The following SLC31A1 variants were observed in gnomAD, a reference collection of about 807,000 sequenced individuals.
SLC31A1 encodes the protein high affinity copper uptake protein 1.
Under a neutral mutation model 17.2 loss-of-function variants are expected in SLC31A1, and 5 were observed. That is an observed-to-expected ratio of 0.29 (90% CI 0.15 to 0.61). SLC31A1 has a LOEUF of 0.61. Ranked by LOEUF, SLC31A1 falls within the 20% of genes least tolerant of loss-of-function variation. SLC31A1 has a pLI of 0.86. For synonymous variants in SLC31A1, 76 were observed against 78.8 expected, an observed-to-expected ratio of 0.96 and a Z score of 0.19; for missense variants, 161 against 241.4, an observed-to-expected ratio of 0.67 and a Z score of 2.21.
intron 1 of SLC31A1, chr9:113,227,732 A>G (rs1831357515): frequency 6.6e-6 from 1 of 152,264 alleles, no homozygotes; most frequent in Admixed American, 6.5e-5. Context: ...CAACAACATT[A>G]TTATCCAAAC....
intron 1 of SLC31A1, chr9:113,227,220 C>G (rs1278723530): frequency 1.3e-5 from 2 of 152,036 alleles, no homozygotes; most frequent in African/African-American, 4.8e-5. Context: ...ACCATACAGC[C>G]TCTATCTGAG....
At chr9:113,253,699 G>A (rs1352972057) in intron 1 of SLC31A1, among the ~76,000 whole-genome samples, 1 of 151,066 alleles carries the variant, frequency 6.6e-6, no homozygotes, top group Non-Finnish European at 1.5e-5. Context: ...GATTACAGGC[G>A]CGTGCCACCA....
intron 1 of SLC31A1, among the ~76,000 whole-genome samples, chr9:113,238,688 G>A (rs532150091): frequency 3.5e-4 from 53 of 152,308 alleles, no homozygotes; most frequent in Admixed American, 3.1e-3. Context: ...CTTGAACCTG[G>A]GAGGCAGAGG....
At chr9:113,230,215 G>GATTT (rs1021333947) in intron 1 of SLC31A1, among the ~76,000 whole-genome samples, 16 of 152,182 alleles carry the variant, frequency 1.1e-4, no homozygotes, top group African/African-American at 3.9e-4. Context: ...ATCTTTTGGG[G>GATTT]ATTTGTTTGT....
At chr9:113,238,122 T>C (rs1005386460) in intron 1 of SLC31A1, among the ~76,000 whole-genome samples, 28 of 152,330 alleles carry the variant, frequency 1.8e-4, no homozygotes, top group Middle Eastern at 6.8e-3. Context: ...TATCTCCATG[T>C]TTCCATGAGT....
intron 1 of SLC31A1, among the ~76,000 whole-genome samples, chr9:113,246,078 C>T (rs962355749): frequency 1.3e-5 from 2 of 151,928 alleles, no homozygotes; most frequent in East Asian, 3.9e-4. Flanking sequence ...TGAGACAGGG[C>T]CTCACCCTGT....
chr9:113,245,752 C>T (rs892522348), intron 1 of SLC31A1, among the ~76,000 whole-genome samples: 13 of 151,878 alleles, frequency 8.6e-5, no homozygotes, highest in Non-Finnish European at 1.8e-4. Flanking sequence ...CCACCTGAGC[C>T]TCTCAAGTAG....
intron 1 of SLC31A1, among the ~76,000 whole-genome samples, chr9:113,237,151 A>C (rs1370986062): frequency 6.6e-6 from 1 of 152,234 alleles, no homozygotes; most frequent in Non-Finnish European, 1.5e-5. Flanking sequence ...GCTGTATGGA[A>C]GTCCATTTTC....
chr9:113,248,585 C>T (rs1179602511), intron 1 of SLC31A1, among the ~76,000 whole-genome samples: 3 of 148,134 alleles, frequency 2.0e-5, no homozygotes, highest in Non-Finnish European at 4.5e-5. Flanking sequence ...TCTCTTGCCT[C>T]AGCCTCCCAA....
In SLC31A1 at chr9:113,260,466, G is replaced by A. The variant is rs1831779227; in HGVS notation, c.566G>A (p.Cys189Tyr). The A allele has an allele frequency of 1.2e-6, 2 of 1,613,150 alleles. No homozygotes were observed. The highest frequency in any genetic ancestry group is 1.7e-6 in the Non-Finnish European group (2 of 1,179,822). Residue 189 changes from cysteine (C) to tyrosine (Y), a missense_variant, in exon 5 of 5, where the codon TGC (cysteine) becomes TAC (tyrosine). Cys to Tyr is a radical substitution (Grantham distance 194). Transcript: ENST00000374212. ...GTGGTAGTGGATATCACAGAGCATT[G>A]CCATTGACATCAAACTCTATGGCGT... ...KAVVVDITEH[C>Y]H
intron 2 of SLC31A1, 151 bp downstream of exon 2, chr9:113,256,428 C>A: frequency 2.4e-6 from 2 of 828,050 alleles, no homozygotes; most frequent in Non-Finnish European, 3.7e-6. Flanking sequence ...AAGTCATTTG[C>A]TCCAGATTAT....
chr9:113,234,749 C>T (rs1028791121), intron 1 of SLC31A1, among the ~76,000 whole-genome samples: 1 of 151,884 alleles, frequency 6.6e-6, no homozygotes, highest in Non-Finnish European at 1.5e-5. Context: ...CCAGGTGGTC[C>T]TTGGACCACA....
intron 1 of SLC31A1, among the ~76,000 whole-genome samples, chr9:113,248,322 A>AAAAC (rs1006091746): frequency 1.8e-4 from 28 of 152,200 alleles, no homozygotes; most frequent in Middle Eastern, 3.4e-3. Context: ...TCTGTCTCAA[A>AAAAC]AAACAAACAA....
intron 1 of SLC31A1, among the ~76,000 whole-genome samples, chr9:113,240,850 G>C (rs1429692391): frequency 6.6e-6 from 1 of 152,044 alleles, no homozygotes; most frequent in Non-Finnish European, 1.5e-5. Context: ...AGGAGTTTGA[G>C]ACCAGCCTGG....
At chr9:113,259,054 C>T (rs1173217836) in intron 4 of SLC31A1, among the ~76,000 whole-genome samples, 192 bp downstream of exon 4, 1 of 152,176 alleles carries the variant, frequency 6.6e-6, no homozygotes, top group East Asian at 1.9e-4. Context: ...GAGTCTTCTG[C>T]AAATATGAAT....
intron 1 of SLC31A1, among the ~76,000 whole-genome samples, chr9:113,250,488 T>G (rs1831636595): frequency 7.5e-6 from 1 of 133,342 alleles, no homozygotes; most frequent in African/African-American, 2.8e-5. Context: ...TGAGAACACA[T>G]GGACACAGGA....
intron 1 of SLC31A1, among the ~76,000 whole-genome samples, chr9:113,243,027 C>CACCT: frequency 6.6e-6 from 1 of 150,574 alleles, no homozygotes; most frequent in African/African-American, 2.4e-5. Flanking sequence ...GTGTTTTATA[C>CACCT]GCTAGGCTTC....
Position 113,261,567 on chromosome 9 carries a change from G to C in SLC31A1, c.*1094G>C, listed in dbSNP as rs1387214878. 6.6e-6 allele frequency: 1 copy of C among 152,592 alleles called. No individual in the cohort carries two copies. The highest frequency in any genetic ancestry group is 1.5e-5 in the Non-Finnish European group (1 of 68,028). 9.5% of individuals were successfully genotyped at this position (152,592 alleles called of 1,614,324 possible). On this transcript the variant is annotated 3_prime_UTR_variant, in exon 5 of 5. Coordinates refer to ENST00000374212, the MANE Select transcript of SLC31A1 (RefSeq NM_001859.4). The stretch of plus-strand genomic sequence containing the variant: ...CAGTTTACTTTGTCTTGATACCTTG[G>C]TTTGTCCCAGCTGAAGTGAAGCAAG...
intron 1 of SLC31A1, among the ~76,000 whole-genome samples, chr9:113,241,957 A>G (rs1831525728): frequency 6.6e-6 from 1 of 152,334 alleles, no homozygotes; most frequent in Non-Finnish European, 1.5e-5. Context: ...AGAGCTCTTA[A>G]AACTAGAGGA....
Sources: gnomAD v4.1 joint callset for allele counts (sites outside exome capture counted in the v4.1 genomes callset) on GRCh38, gnomAD v4.1.1 for gene constraint, MANE v1.5 for transcripts, NCBI Gene and HGNC (gene_info 2026-07-23, HGNC 2026-07-21) for gene names.